CYP2C8: variants seen among roughly 807,000 people sequenced by gnomAD.
CYP2C8 encodes cytochrome P450 family 2 subfamily C member 8, also known as cytochrome P450 2C8.
In CYP2C8, 51 loss-of-function variants were observed where a neutral mutation model predicts 41.3. The ratio of observed to expected loss-of-function variants is 1.24; its 90% confidence interval spans 0.99 to 1.56. The LOEUF is 1.56. CYP2C8 is among the 40% of genes most tolerant of loss of function. CYP2C8 has a pLI of 0.00. For missense variants in CYP2C8, 651 were observed against 579.9 expected (o/e 1.12, Z -1.26); for synonymous variants, 218 against 205.8 (o/e 1.06, Z -0.51).
chr10:95,048,969 GGACCTAATTAAACTAAA>G (rs1469230295), intron 5 of CYP2C8, among the ~76,000 whole-genome samples: 2 of 152,086 alleles, frequency 1.3e-5, no homozygotes, highest in Non-Finnish European at 2.9e-5. Flanking sequence ...GTTGACAATG[GGACCTAATTAAACTAAA>G]GAGCTTCTGC....
intron 3 of CYP2C8, among the ~76,000 whole-genome samples, chr10:95,066,170 G>A (rs1364885986): frequency 4.9e-5 from 7 of 142,734 alleles, no homozygotes; most frequent in Admixed American, 4.0e-4. Flanking sequence ...GTGTGTGTGT[G>A]TGTGTGTGTG....
At chr10:95,065,287 G>T (rs183737786) in intron 3 of CYP2C8, among the ~76,000 whole-genome samples, 113 of 152,300 alleles carry the variant, frequency 7.4e-4, no homozygotes, top group African/African-American at 2.6e-3. Flanking sequence ...AGTTTTTAGA[G>T]CAGAATCATG....
chr10:95,045,139 T>C (rs2033082139), intron 6 of CYP2C8, among the ~76,000 whole-genome samples: 1 of 152,248 alleles, frequency 6.6e-6, no homozygotes. Context: ...TAAGGAAATG[T>C]AGAGTTTACT....
intron 4 of CYP2C8, among the ~76,000 whole-genome samples, chr10:95,060,548 GAT>G (rs1478505012): frequency 2.0e-5 from 3 of 152,168 alleles, no homozygotes; most frequent in African/African-American, 7.2e-5. Flanking sequence ...TTTGGGCTGA[GAT>G]GATGGGGTTT....
chr10:95,063,420 T>C (rs1271481889), intron 4 of CYP2C8, among the ~76,000 whole-genome samples: 2 of 152,220 alleles, frequency 1.3e-5, no homozygotes, highest in Non-Finnish European at 2.9e-5. Flanking sequence ...CTTTCTTCCA[T>C]TTGATTGAAT....
At chr10:95,060,575 C>T (rs982430242) in intron 4 of CYP2C8, among the ~76,000 whole-genome samples, 3 of 152,152 alleles carry the variant, frequency 2.0e-5, no homozygotes, top group Admixed American at 1.3e-4. Flanking sequence ...GATATACAGT[C>T]ATGTCATCTG....
chr10:95,036,900 A>G lies in CYP2C8; in HGVS notation c.*228T>C, dbSNP rs943625200. ...ATTAAAAAGTCAGCATTAGAAAAGT[A>G]TTAGCATATGCAGCAATTAATACAA... is the stretch of plus-strand genomic sequence containing the variant. On this transcript the variant is annotated 3_prime_UTR_variant, in exon 9 of 9. Transcript: ENST00000371270. 8.3e-5 allele frequency: 47 copies of G among 568,278 alleles called. No homozygotes were observed. Among genetic ancestry groups the G allele is most frequent in the Middle Eastern group, 4.7e-4 (1 of 2,134 alleles). The allele number at this position is 568,278 out of a possible 1,614,324, so 35.2% of individuals were successfully genotyped here.
rs1487934106 is a variant in CYP2C8, at chr10:95,067,199, G to A, written c.481+9C>T. 1.2e-6 allele frequency: 2 copies of A among 1,614,036 alleles called. No homozygotes were observed. Among genetic ancestry groups the A allele is most frequent in the East Asian group, 2.2e-5 (1 of 44,874 alleles). ...GTTAAGGTCAATGACGCAGAGTAGA[G>A]TCACCCACCCTTGGTTTTTCTCAAC... On this transcript the variant is annotated intron_variant, in intron 3 of 8. Coordinates refer to ENST00000371270, the MANE Select transcript of CYP2C8 (RefSeq NM_000770.3).
intron 5 of CYP2C8, among the ~76,000 whole-genome samples, chr10:95,057,049 G>A (rs774956631): frequency 4.6e-5 from 7 of 152,112 alleles, no homozygotes; most frequent in Non-Finnish European, 7.4e-5. Context: ...TTAATTGCAT[G>A]CATATTAAGG....
At chr10:95,061,320 C>A (rs959321564) in intron 4 of CYP2C8, among the ~76,000 whole-genome samples, 3 of 152,116 alleles carry the variant, frequency 2.0e-5, no homozygotes, top group Non-Finnish European at 2.9e-5. Context: ...AATTTCAGAG[C>A]CTGTTATTGG....
intron 4 of CYP2C8, among the ~76,000 whole-genome samples, chr10:95,060,788 A>G (rs2033411772): frequency 6.6e-6 from 1 of 152,206 alleles, no homozygotes; most frequent in Non-Finnish European, 1.5e-5. Context: ...GTTTGTCATA[A>G]ATAGCTCTTA....
intron 4 of CYP2C8, among the ~76,000 whole-genome samples, chr10:95,060,342 T>G (rs1307053028): frequency 6.6e-6 from 1 of 152,212 alleles, no homozygotes; most frequent in Non-Finnish European, 1.5e-5. Context: ...GTAGTTCTCC[T>G]TGAAGAGGTC....
intron 4 of CYP2C8, among the ~76,000 whole-genome samples, chr10:95,061,394 A>C (rs1327741317): frequency 6.6e-6 from 1 of 152,132 alleles, no homozygotes; most frequent in Non-Finnish European, 1.5e-5. Flanking sequence ...GGAGAAATTT[A>C]TCCATTTCTT....
intron 5 of CYP2C8, among the ~76,000 whole-genome samples, chr10:95,057,370 T>G (rs1209322782): frequency 3.3e-5 from 5 of 152,196 alleles, no homozygotes; most frequent in African/African-American, 9.7e-5. Context: ...ATCTCAATAT[T>G]TAAAATGTCA....
chr10:95,064,254 C>T (rs1216233682), intron 4 of CYP2C8, among the ~76,000 whole-genome samples: 1 of 152,178 alleles, frequency 6.6e-6, no homozygotes, highest in Non-Finnish European at 1.5e-5. Context: ...AGGCAGGCCT[C>T]CTTGAGCTGC....
At chr10:95,054,358 A>T (rs905456171) in intron 5 of CYP2C8, among the ~76,000 whole-genome samples, 2 of 152,132 alleles carry the variant, frequency 1.3e-5, no homozygotes, top group Non-Finnish European at 1.5e-5. Context: ...ACAAAATTCA[A>T]TACTTTTCCT....
At chr10:95,053,731 C>G (rs2033255935) in intron 5 of CYP2C8, among the ~76,000 whole-genome samples, 1 of 151,738 alleles carries the variant, frequency 6.6e-6, no homozygotes, top group Non-Finnish European at 1.5e-5. Flanking sequence ...CACATGGACA[C>G]AGGGAGGGAA....
intron 5 of CYP2C8, among the ~76,000 whole-genome samples, chr10:95,047,370 T>C (rs1161833740): frequency 6.6e-6 from 1 of 152,188 alleles, no homozygotes; most frequent in Admixed American, 6.5e-5. Flanking sequence ...TCATGAAAAG[T>C]GTTACACTCT....
At chr10:95,049,727 C>G (rs2033180645) in intron 5 of CYP2C8, among the ~76,000 whole-genome samples, 1 of 152,070 alleles carries the variant, frequency 6.6e-6, no homozygotes, top group African/African-American at 2.4e-5. Flanking sequence ...GGCCCAGAGA[C>G]AGTAGACTGG....
Sources: allele counts gnomAD v4.1 joint callset (sites outside exome capture counted in the v4.1 genomes callset), GRCh38; gene constraint gnomAD v4.1.1; transcripts MANE v1.5; gene names NCBI Gene and HGNC (gene_info 2026-07-23, HGNC 2026-07-21).